ERBB4: variants seen among roughly 807,000 people sequenced by gnomAD.
ERBB4 encodes the protein erb-b2 receptor tyrosine kinase 4, also known as receptor tyrosine-protein kinase erbB-4.
In ERBB4, 42 loss-of-function variants were observed where a neutral mutation model predicts 158.0. The ratio of observed to expected loss-of-function variants is 0.27; its 90% confidence interval spans 0.21 to 0.34. The LOEUF (loss-of-function observed/expected upper bound fraction) is 0.34. Ranked by LOEUF, ERBB4 falls within the 10% of genes least tolerant of loss-of-function variation. ERBB4 has a pLI of 1.00. For missense variants in ERBB4, 1,333 were observed against 1,624.1 expected, an observed-to-expected ratio of 0.82 and a Z score of 3.08; for synonymous variants, 583 against 558.7, an observed-to-expected ratio of 1.04 and a Z score of -0.61.
chr2:211,487,501 C>G (rs1410219477), intron 20 of ERBB4, among the ~76,000 whole-genome samples: 2 of 152,000 alleles, frequency 1.3e-5, no homozygotes, highest in Non-Finnish European at 2.9e-5. Context: ...TGTAGACATA[C>G]ACTCAAAACA....
At chr2:212,235,730 A>G (rs534769582) in intron 1 of ERBB4, among the ~76,000 whole-genome samples, 11 of 152,242 alleles carry the variant, frequency 7.2e-5, no homozygotes, top group African/African-American at 2.2e-4. Flanking sequence ...CTTTGTAGCA[A>G]TTGTGAATGG....
intron 2 of ERBB4, among the ~76,000 whole-genome samples, chr2:212,015,716 C>A (rs2125317204): frequency 6.6e-6 from 1 of 152,268 alleles, no homozygotes; most frequent in Non-Finnish European, 1.5e-5. Context: ...GGGGTAGTGC[C>A]TACAACCACC....
intron 1 of ERBB4, among the ~76,000 whole-genome samples, chr2:212,275,951 A>G (rs1288724308): frequency 6.6e-6 from 1 of 151,788 alleles, no homozygotes; most frequent in African/African-American, 2.4e-5. Flanking sequence ...TAGGCTATAC[A>G]GATTGTTGAG....
intron 3 of ERBB4, among the ~76,000 whole-genome samples, chr2:211,862,753 T>C (rs377667065): frequency 6.6e-6 from 1 of 152,336 alleles, no homozygotes; most frequent in Non-Finnish European, 1.5e-5. Flanking sequence ...TATGGTTCTA[T>C]CTAAAAATAA....
chr2:211,784,238 A>G (rs1265377390), intron 4 of ERBB4, among the ~76,000 whole-genome samples: 1 of 152,224 alleles, frequency 6.6e-6, no homozygotes, highest in African/African-American at 2.4e-5. Flanking sequence ...TTGACTCGTT[A>G]AAGAGCAATT....
intron 4 of ERBB4, among the ~76,000 whole-genome samples, chr2:211,773,616 AT>A (rs547084452): frequency 3.8e-5 from 2 of 52,130 alleles, no homozygotes; most frequent in Admixed American, 1.6e-4. Flanking sequence ...ATATATATAT[AT>A]ATATATATAT....
At chr2:211,744,199 G>A (rs2074889517) in intron 5 of ERBB4, among the ~76,000 whole-genome samples, 1 of 152,022 alleles carries the variant, frequency 6.6e-6, no homozygotes, top group Non-Finnish European at 1.5e-5. Context: ...ATGCTATGGA[G>A]GAACAATGAC....
chr2:211,453,671 T>C (rs2064305728), intron 20 of ERBB4, among the ~76,000 whole-genome samples: 1 of 152,166 alleles, frequency 6.6e-6, no homozygotes, highest in Admixed American at 6.5e-5. Flanking sequence ...ATCAATACTA[T>C]TATCTCATTC....
intron 2 of ERBB4, among the ~76,000 whole-genome samples, chr2:212,078,010 C>G (rs564567842): frequency 6.6e-6 from 1 of 152,030 alleles, no homozygotes; most frequent in Non-Finnish European, 1.5e-5. Flanking sequence ...AAGAAATGAT[C>G]CATCAAGAAG....
At chr2:212,500,717 T>C (rs1690842209) in intron 1 of ERBB4, among the ~76,000 whole-genome samples, 1 of 152,056 alleles carries the variant, frequency 6.6e-6, no homozygotes. Context: ...TAGAACAAAT[T>C]ACACAAAAAT....
intron 1 of ERBB4, among the ~76,000 whole-genome samples, chr2:212,523,987 AAGGCTATAC>A (rs1382847106): frequency 6.6e-5 from 10 of 151,986 alleles, no homozygotes; most frequent in Admixed American, 6.6e-4. Context: ...TCTGTTCTCC[AAGGCTATAC>A]AGAACATTGC....
intron 2 of ERBB4, among the ~76,000 whole-genome samples, chr2:211,966,652 T>C (rs1489488387): frequency 6.6e-6 from 1 of 152,242 alleles, no homozygotes; most frequent in Admixed American, 6.5e-5. Context: ...GGTGTTTATA[T>C]ACCATTACAT....
At chr2:211,822,367 T>C (rs950425539) in intron 3 of ERBB4, among the ~76,000 whole-genome samples, 1 of 152,030 alleles carries the variant, frequency 6.6e-6, no homozygotes, top group African/African-American at 2.4e-5. Flanking sequence ...TCACTATATA[T>C]TATGTGTATC....
At chr2:211,384,122 G>T (rs2125312505) in intron 27 of ERBB4, 62 bp from the exon 28 acceptor site, 1 of 1,221,340 alleles carries the variant, frequency 8.2e-7, no homozygotes. Flanking sequence ...TCAGACCAAG[G>T]TTATACATAA....
intron 1 of ERBB4, among the ~76,000 whole-genome samples, chr2:212,455,186 C>T (rs892291867): frequency 1.6e-5 from 2 of 126,776 alleles, no homozygotes; most frequent in African/African-American, 5.1e-5. Flanking sequence ...TTACATGATG[C>T]TATTTTCTCA....
intron 1 of ERBB4, among the ~76,000 whole-genome samples, chr2:212,234,639 A>G (rs2083789076): frequency 6.6e-6 from 1 of 152,162 alleles, no homozygotes; most frequent in African/African-American, 2.4e-5. Flanking sequence ...CCTCTCCAGC[A>G]TCTGTTGTTT....
chr2:212,384,065 G>C (rs1250428358), intron 1 of ERBB4, among the ~76,000 whole-genome samples: 1 of 151,522 alleles, frequency 6.6e-6, no homozygotes, highest in African/African-American at 2.4e-5. Context: ...TAGAATAAAG[G>C]TGTCCTAAAG....
At chr2:211,851,117 G>T (rs895186661) in intron 3 of ERBB4, among the ~76,000 whole-genome samples, 4 of 151,812 alleles carry the variant, frequency 2.6e-5, no homozygotes, top group African/African-American at 9.7e-5. Flanking sequence ...AGATAAAGTA[G>T]TATACAACAC....
At chr2:211,454,773 A>T (rs2064337382) in intron 20 of ERBB4, among the ~76,000 whole-genome samples, 1 of 152,222 alleles carries the variant, frequency 6.6e-6, no homozygotes, top group African/African-American at 2.4e-5. Flanking sequence ...TGAGAGCTCC[A>T]TTAGCCTTCT....
Sources: gnomAD v4.1 joint callset for allele counts (sites outside exome capture counted in the v4.1 genomes callset) on GRCh38, gnomAD v4.1.1 for gene constraint, MANE v1.5 for transcripts, NCBI Gene and HGNC (gene_info 2026-07-23, HGNC 2026-07-21) for gene names.